Variants in WIPF2 observed in about 807,000 individuals in gnomAD.
WIPF2 encodes the protein WAS/WASL-interacting protein family member 2.
A neutral mutation model predicts 38.8 loss-of-function variants in WIPF2; 23 were observed. That is an observed-to-expected ratio of 0.59 (90% CI 0.43 to 0.84). WIPF2 has a LOEUF of 0.84. Ranked by LOEUF, WIPF2 falls within the 40% of genes least tolerant of loss-of-function variation. The pLI is 0.00. For synonymous variants in WIPF2, 210 were observed against 223.2 expected (o/e 0.94, Z 0.53); for missense variants, 574 against 580.5 (o/e 0.99, Z 0.11).
chr17:40,268,633 G>A (rs1254419380), intron 5 of WIPF2, among the ~76,000 whole-genome samples: 1 of 151,932 alleles, frequency 6.6e-6, no homozygotes, highest in East Asian at 1.9e-4. Context: ...TGAGGTCTGT[G>A]TTGCCCAGGC....
rs756030812 is a variant in WIPF2, at chr17:40,264,548, G to A, written c.372G>A (p.Arg124=). ...CCAGTTCTCGAGCTGCTGCCCCAAG[G>A]CCTCCAGTATCTGCCGCCAGCGGGC... The part of the protein sequence containing the change: ...QIPSSRAAAP[R]PPVSAASGRP... Residue 124 remains arginine (R), a synonymous_variant, in exon 5 of 8, where the codon AGG becomes AGA. Transcript: ENST00000323571. The A allele has an allele frequency of 6.2e-7, 1 of 1,614,026 alleles. No individual in the cohort carries two copies. Among genetic ancestry groups the A allele is most frequent in the East Asian group, 2.2e-5 (1 of 44,868 alleles).
At chr17:40,260,413 C>T in intron 2 of WIPF2, 122 bp from the exon 3 acceptor site, 2 of 1,206,218 alleles carry the variant, frequency 1.7e-6, no homozygotes, top group Non-Finnish European at 2.3e-6. Flanking sequence ...TCTGGAACTC[C>T]TGACTTCAAG....
At chr17:40,245,124 A>T (rs540456814) in intron 1 of WIPF2, among the ~76,000 whole-genome samples, 13 of 152,344 alleles carry the variant, frequency 8.5e-5, no homozygotes, top group African/African-American at 2.9e-4. Flanking sequence ...TCTCTAAAAA[A>T]TAAATAAGTA....
chr17:40,254,484 T>C (rs1415847815), intron 1 of WIPF2, among the ~76,000 whole-genome samples: 1 of 152,186 alleles, frequency 6.6e-6, no homozygotes, highest in Non-Finnish European at 1.5e-5. Context: ...TGGGATTTCC[T>C]TAAAATGGCT....
intron 3 of WIPF2, chr17:40,260,967 G>A (rs2031882678): frequency 1.3e-5 from 5 of 382,956 alleles, no homozygotes; most frequent in South Asian, 1.1e-4. Flanking sequence ...GCAGTGAGCT[G>A]TGATCATGTC....
chr17:40,271,180 T>C (rs2032239645), intron 5 of WIPF2, among the ~76,000 whole-genome samples: 1 of 152,180 alleles, frequency 6.6e-6, no homozygotes, highest in African/African-American at 2.4e-5. Flanking sequence ...TTCATCATGT[T>C]GCCCAGGCTG....
chr17:40,259,041 AG>A lies in WIPF2; in HGVS notation c.64-1493del, dbSNP rs1486312622. 8.0e-3 allele frequency among the ~76,000 whole-genome samples: 1,147 copies of A among 143,640 alleles called. 19 individuals are homozygous for A. Among genetic ancestry groups the A allele is most frequent in the Non-Finnish European group, 0.015 (953 of 65,336 alleles). The allele number at this position is 143,640 out of a possible 152,430, so 94.2% of individuals were successfully genotyped here. On this transcript the variant is annotated intron_variant, in intron 2 of 7. Coordinates refer to ENST00000323571, the MANE Select transcript of WIPF2 (RefSeq NM_133264.5). Reference sequence around the variant, plus strand: ...CTCAAAAAAAAAAAAAAAAAAAAAAAGATAAGTTTTTTTTTTTTGTAAAGGC... The same window carrying A: ...CTCAAAAAAAAAAAAAAAAAAAAAAAATAAGTTTTTTTTTTTTGTAAAGGC...
chr17:40,268,597 T>A (rs1339945552), intron 5 of WIPF2, among the ~76,000 whole-genome samples: 1 of 151,806 alleles, frequency 6.6e-6, no homozygotes, highest in Non-Finnish European at 1.5e-5. Context: ...CTCATTAAAA[T>A]TTTTTTTTAT....
At chr17:40,270,318 A>T (rs2032210630) in intron 5 of WIPF2, among the ~76,000 whole-genome samples, 1 of 150,340 alleles carries the variant, frequency 6.7e-6, no homozygotes, top group Non-Finnish European at 1.5e-5. Context: ...GTAAGCCGAG[A>T]TCGTGCCACT....
intron 5 of WIPF2, among the ~76,000 whole-genome samples, chr17:40,265,949 C>CAGTTTGAGACA (rs900968526): frequency 3.3e-5 from 5 of 152,142 alleles, no homozygotes; most frequent in Middle Eastern, 3.4e-3. Context: ...GATAGGTGTT[C>CAGTTTGAGACA]AGTTTGAGAC....
chr17:40,256,957 G>A (rs1469215263), intron 2 of WIPF2, among the ~76,000 whole-genome samples: 1 of 151,964 alleles, frequency 6.6e-6, no homozygotes, highest in Non-Finnish European at 1.5e-5. Flanking sequence ...TGTTTCTTTG[G>A]CATTTTTGAG....
intron 1 of WIPF2, among the ~76,000 whole-genome samples, chr17:40,229,332 C>T: frequency 6.6e-6 from 1 of 152,056 alleles, no homozygotes; most frequent in South Asian, 2.1e-4. Flanking sequence ...GTCTCGAACT[C>T]CTGACCTCAG....
intron 6 of WIPF2, among the ~76,000 whole-genome samples, chr17:40,274,557 GAAAAAAAAAAA>G (rs571085371): frequency 2.3e-3 from 57 of 24,786 alleles, no homozygotes; most frequent in African/African-American, 6.1e-3. Flanking sequence ...TGGAATTCTT[GAAAAAAAAAAA>G]AAAAAAAAAA....
intron 3 of WIPF2, among the ~76,000 whole-genome samples, chr17:40,261,590 G>A (rs2031901014): frequency 6.6e-6 from 1 of 151,446 alleles, no homozygotes; most frequent in Non-Finnish European, 1.5e-5. Context: ...GAGCCACTGT[G>A]CCTGGCCCCC....
At chr17:40,251,760 C>T (rs1407825647) in intron 1 of WIPF2, among the ~76,000 whole-genome samples, 2 of 152,156 alleles carry the variant, frequency 1.3e-5, no homozygotes, top group Non-Finnish European at 2.9e-5. Flanking sequence ...TACATGTAGG[C>T]ACTCCCACTC....
intron 1 of WIPF2, among the ~76,000 whole-genome samples, chr17:40,244,849 C>T (rs1311189619): frequency 6.6e-6 from 1 of 152,156 alleles, no homozygotes. Context: ...ACATGGCATG[C>T]TCTGCTCATG....
Position 40,222,700 on chromosome 17 carries a change from C to T in WIPF2, c.-70+3208C>T, listed in dbSNP as rs1241443543. 7.2e-5 allele frequency among the ~76,000 whole-genome samples: 7 copies of T among 97,606 alleles called. No homozygotes were observed. The Admixed American group carries it at 1.2e-3, about 16-fold the overall frequency. The allele number at this position is 97,606 out of a possible 152,430, so 64.0% of individuals were successfully genotyped here. ...TTTTTTTTTTTTTGAGACAGAGTTT[C>T]GCTCCTGCTGCCCAGGCTGGAGTGG... On this transcript the variant is annotated intron_variant, in intron 1 of 7. Transcript: ENST00000323571.
intron 1 of WIPF2, among the ~76,000 whole-genome samples, chr17:40,233,682 G>A: frequency 6.6e-6 from 1 of 152,124 alleles, no homozygotes; most frequent in East Asian, 1.9e-4. Flanking sequence ...GCACAAGCCT[G>A]TAATCCCAGC....
intron 4 of WIPF2, 60 bp from the exon 5 acceptor site, chr17:40,264,430 A>G: frequency 6.6e-7 from 1 of 1,512,364 alleles, no homozygotes; most frequent in South Asian, 1.1e-5. Context: ...CGAGTGAAGT[A>G]GGGATACTGA....
Sources: gnomAD v4.1 joint callset for allele counts (sites outside exome capture counted in the v4.1 genomes callset) on GRCh38, gnomAD v4.1.1 for gene constraint, MANE v1.5 for transcripts, NCBI Gene and HGNC (gene_info 2026-07-23, HGNC 2026-07-21) for gene names.